Variants in PLPPR5 observed in about 807,000 individuals in gnomAD.
PLPPR5 encodes the protein phospholipid phosphatase-related protein type 5.
In PLPPR5, 16 loss-of-function variants were observed where a neutral mutation model predicts 33.9. That is an observed-to-expected ratio of 0.47 (90% CI 0.32 to 0.72). The LOEUF is 0.72. Ranked by LOEUF, PLPPR5 falls within the 30% of genes least tolerant of loss-of-function variation. The pLI is 0.03. For synonymous variants in PLPPR5, 163 were observed against 150.3 expected, an observed-to-expected ratio of 1.08 and a Z score of -0.62; for missense variants, 301 against 406.7, an observed-to-expected ratio of 0.74 and a Z score of 2.23.
chr1:98,917,270 G>T (rs905761733), intron 4 of PLPPR5, among the ~76,000 whole-genome samples: 9 of 152,058 alleles, frequency 5.9e-5, no homozygotes, highest in African/African-American at 2.2e-4. Context: ...AAATATCTTG[G>T]TACCTAAATA....
intron 1 of PLPPR5, among the ~76,000 whole-genome samples, chr1:99,001,137 T>C (rs201384366): frequency 0.15 from 21,458 of 147,722 alleles, 1,600 homozygotes; most frequent in East Asian, 0.38. Flanking sequence ...CCAACTCTTT[T>C]TTTTTTTTTT....
intron 3 of PLPPR5, among the ~76,000 whole-genome samples, chr1:98,950,861 A>T (rs1396883530): frequency 6.6e-6 from 1 of 150,520 alleles, no homozygotes; most frequent in Non-Finnish European, 1.5e-5. Context: ...GGTTTTGCTT[A>T]TTTTTTTTTC....
intron 5 of PLPPR5, among the ~76,000 whole-genome samples, chr1:98,914,575 T>C (rs1375358198): frequency 1.3e-5 from 2 of 152,118 alleles, no homozygotes; most frequent in Non-Finnish European, 2.9e-5. Context: ...ACAGGCCAGG[T>C]GTAAGCCATT....
intron 5 of PLPPR5, among the ~76,000 whole-genome samples, chr1:98,911,441 T>C (rs12080387): frequency 0.013 from 1,951 of 152,338 alleles, 36 homozygotes; most frequent in African/African-American, 0.045. Context: ...TAACAATTTA[T>C]AGATGAATAG....
intron 1 of PLPPR5, among the ~76,000 whole-genome samples, chr1:98,964,039 T>C (rs1651347320): frequency 1.3e-5 from 2 of 152,146 alleles, no homozygotes; most frequent in Admixed American, 1.3e-4. Flanking sequence ...AAGGGGTTCT[T>C]AATTCTGGAA....
intron 5 of PLPPR5, among the ~76,000 whole-genome samples, chr1:98,895,295 G>C (rs1648431929): frequency 1.3e-5 from 2 of 151,854 alleles, no homozygotes; most frequent in Non-Finnish European, 2.9e-5. Flanking sequence ...ATTATGTTAT[G>C]GTGCAGCAAG....
At chr1:98,937,641 T>C (rs309057) in intron 3 of PLPPR5, among the ~76,000 whole-genome samples, 108,033 of 152,104 alleles carry the variant, frequency 0.71, 38,717 homozygotes, top group Non-Finnish European at 0.75. Flanking sequence ...AACAATCCTT[T>C]GGATAACTGC....
chr1:98,928,414 T>C (rs1460446228), intron 3 of PLPPR5, among the ~76,000 whole-genome samples: 2 of 151,222 alleles, frequency 1.3e-5, no homozygotes, highest in African/African-American at 4.8e-5. Context: ...AAAAGAAAAA[T>C]GCAAACTATC....
chr1:98,910,977 A>G (rs1303556041), intron 5 of PLPPR5, among the ~76,000 whole-genome samples: 1 of 151,878 alleles, frequency 6.6e-6, no homozygotes, highest in Non-Finnish European at 1.5e-5. Context: ...TATTTATCCC[A>G]AATGCTCCTT....
At chr1:98,980,151 G>A (rs1652015183) in intron 1 of PLPPR5, among the ~76,000 whole-genome samples, 1 of 152,004 alleles carries the variant, frequency 6.6e-6, no homozygotes, top group African/African-American at 2.4e-5. Context: ...TGATCTGTCT[G>A]AATCTTCAGT....
At chr1:98,992,413 T>C (rs1465685957) in intron 1 of PLPPR5, among the ~76,000 whole-genome samples, 1 of 152,188 alleles carries the variant, frequency 6.6e-6, no homozygotes, top group Admixed American at 6.6e-5. Context: ...CTCTTCTGCC[T>C]CTAAGCAGTT....
rs1273856591 is a variant in PLPPR5, at chr1:98,891,121, A to G, written c.*1951T>C. The G allele has an allele frequency of 1.3e-5, 2 of 152,146 alleles. No individual in the cohort carries two copies. Among genetic ancestry groups the G allele is most frequent in the Non-Finnish European group, 2.9e-5 (2 of 68,032 alleles). The allele number at this position is 152,146 out of a possible 1,614,324, so 9.4% of individuals were successfully genotyped here. On this transcript the variant is annotated 3_prime_UTR_variant, in exon 6 of 6. Coordinates refer to ENST00000263177, the MANE Select transcript of PLPPR5 (RefSeq NM_001037317.2). ...ATTCCCTATTACTGTTATTGCCTAA[A>G]AAATCTTTAAAAAGGGTCAAGACAT... is the stretch of plus-strand genomic sequence containing the variant.
At chr1:98,948,334 G>A (rs1650637709) in intron 3 of PLPPR5, among the ~76,000 whole-genome samples, 1 of 152,202 alleles carries the variant, frequency 6.6e-6, no homozygotes. Context: ...TGTGTGGGAA[G>A]TGAGAGTGGG....
chr1:98,990,301 G>A (rs56076015), intron 1 of PLPPR5, among the ~76,000 whole-genome samples: 10,636 of 152,146 alleles, frequency 0.07, 503 homozygotes, highest in Middle Eastern at 0.096. Flanking sequence ...CCCAAGAGGT[G>A]GAGGTTACAG....
intron 5 of PLPPR5, among the ~76,000 whole-genome samples, chr1:98,897,556 C>T (rs115042862): frequency 0.025 from 3,741 of 152,154 alleles, 65 homozygotes; most frequent in African/African-American, 0.037. Flanking sequence ...TGATAAAAAG[C>T]TTTTGTGTTT....
intron 5 of PLPPR5, among the ~76,000 whole-genome samples, chr1:98,911,663 T>C (rs1192899806): frequency 6.6e-6 from 1 of 152,184 alleles, no homozygotes; most frequent in Non-Finnish European, 1.5e-5. Flanking sequence ...GAAGTTAATT[T>C]CAGAGGTATA....
intron 3 of PLPPR5, among the ~76,000 whole-genome samples, chr1:98,933,497 A>AG (rs1376180698): frequency 1.3e-5 from 2 of 151,990 alleles, no homozygotes; most frequent in South Asian, 2.1e-4. Context: ...AAAAAAAAAA[A>AG]AAAGGATTTC....
chr1:98,923,355 A>T (rs1432172659), intron 3 of PLPPR5, among the ~76,000 whole-genome samples: 1 of 152,224 alleles, frequency 6.6e-6, no homozygotes, highest in Non-Finnish European at 1.5e-5. Flanking sequence ...TCTGGTATTG[A>T]TAATATACTC....
intron 1 of PLPPR5, among the ~76,000 whole-genome samples, chr1:98,965,432 G>T (rs1010214076): frequency 6.6e-6 from 1 of 152,104 alleles, no homozygotes; most frequent in Non-Finnish European, 1.5e-5. Context: ...TCCTAATGAC[G>T]CAACTAAGTC....
Sources: gnomAD v4.1 joint callset for allele counts (sites outside exome capture counted in the v4.1 genomes callset) on GRCh38, gnomAD v4.1.1 for gene constraint, MANE v1.5 for transcripts, NCBI Gene and HGNC (gene_info 2026-07-23, HGNC 2026-07-21) for gene names.